The following OPALIN variants were observed in gnomAD, a reference collection of about 807,000 sequenced individuals.
OPALIN encodes transmembrane protein 10.
OPALIN carries 15 observed loss-of-function variants against 17.8 expected under a neutral mutation model. The observed-to-expected ratio is 0.84, with a 90% CI of 0.56 to 1.29. The LOEUF is 1.29. OPALIN is among the 50% of genes most tolerant of loss of function. OPALIN has a pLI of 0.00. For missense variants in OPALIN, 170 were observed against 176.0 expected (o/e 0.97, Z 0.19); for synonymous variants, 62 against 63.8 (o/e 0.97, Z 0.14).
At chr10:96,348,611 TGGG>T (rs1347230276) in intron 4 of OPALIN, among the ~76,000 whole-genome samples, 6 of 152,166 alleles carry the variant, frequency 3.9e-5, no homozygotes, top group African/African-American at 1.4e-4. Context: ...GGTTAATAAT[TGGG>T]TTCATTATAC....
chr10:96,355,496 T>G (rs1379207786), intron 1 of OPALIN, among the ~76,000 whole-genome samples: 3 of 152,016 alleles, frequency 2.0e-5, no homozygotes, highest in African/African-American at 7.2e-5. Context: ...CAGCATCAAG[T>G]CAGTCTTGCC....
Position 96,349,776 on chromosome 10 carries a change from G to A in OPALIN, c.123C>T (p.Ala41=). The A allele has an allele frequency of 6.2e-7, 1 of 1,613,656 alleles. No individual in the cohort carries two copies. The change falls in exon 4 of 6, where the codon GCC becomes GCT. Residue 41 remains alanine, a synonymous_variant. Coordinates refer to ENST00000371172, the MANE Select transcript of OPALIN (RefSeq NM_033207.5). ...GLAAGIPLLV[A]TALLVALLFT... ...ATAGTAAAGCCACCAGCAGGGCTGT[G>A]GCCACCAGCAATGGTATGCCCGCCG...
chr10:96,354,788 A>C (rs1256441330), intron 2 of OPALIN, among the ~76,000 whole-genome samples: 2 of 151,878 alleles, frequency 1.3e-5, no homozygotes, highest in Non-Finnish European at 2.9e-5. Flanking sequence ...ACTATTCCTC[A>C]GTGCGTTTTG....
intron 1 of OPALIN, 81 bp from the exon 2 acceptor site, chr10:96,355,371 G>T: frequency 7.7e-7 from 1 of 1,303,602 alleles, no homozygotes; most frequent in Non-Finnish European, 1.1e-6. Flanking sequence ...CACTGACCCT[G>T]GTGGATTCCG....
chr10:96,356,715 T>C (rs905918505), intron 1 of OPALIN, among the ~76,000 whole-genome samples: 5 of 152,172 alleles, frequency 3.3e-5, no homozygotes, highest in Admixed American at 6.5e-5. Flanking sequence ...AATGTGTAAG[T>C]CCCCCTAGCT....
At chr10:96,351,451 T>G in intron 2 of OPALIN, 41 bp from the exon 3 acceptor site, 1 of 1,334,678 alleles carries the variant, frequency 7.5e-7, no homozygotes, top group Non-Finnish European at 1.0e-6. Flanking sequence ...GAACAAAAAG[T>G]CTATAGAATA....
intron 5 of OPALIN, among the ~76,000 whole-genome samples, chr10:96,347,925 T>A (rs1213926260): frequency 2.6e-5 from 4 of 152,230 alleles, no homozygotes; most frequent in Non-Finnish European, 4.4e-5. Flanking sequence ...TTAGCTGTAA[T>A]TTTTTGAAAA....
At chr10:96,357,226 C>T in intron 1 of OPALIN, 1 of 918,020 alleles carries the variant, frequency 1.1e-6, no homozygotes. Context: ...AGCCCTAAGA[C>T]AAAGCTTCCT....
In OPALIN at chr10:96,355,254, C is replaced by A; in HGVS notation, c.39+1G>T. On this transcript the variant is annotated splice_donor_variant, in intron 2 of 5. Coordinates refer to ENST00000371172, the MANE Select transcript of OPALIN (RefSeq NM_033207.5). LOFTEE classifies it high-confidence loss of function. Reference sequence around the variant, plus strand: ...TGGTGAATGGGGGCTGCTGTACTTACTGTGTTCGCCGGCAGGGTGAAGTTC... The same window carrying A: ...TGGTGAATGGGGGCTGCTGTACTTAATGTGTTCGCCGGCAGGGTGAAGTTC... 1 of 1,612,008 alleles carries A rather than the reference C, an allele frequency of 6.2e-7. No homozygotes were observed. Among genetic ancestry groups the A allele is most frequent in the Non-Finnish European group, 8.5e-7 (1 of 1,178,924 alleles).
chr10:96,358,956 T>C lies in OPALIN; in HGVS notation c.-60A>G. ...TGCCTTTGGTAAGCTCCTTTCTCAC[T>C]GGCTTTATTGGCTTGTGTCTTTCAT... On this transcript the variant is annotated 5_prime_UTR_variant, in exon 1 of 6. Coordinates refer to ENST00000371172, the MANE Select transcript of OPALIN (RefSeq NM_033207.5). 1 of 1,563,608 alleles carries C rather than the reference T, an allele frequency of 6.4e-7. No individual in the cohort carries two copies. The highest frequency in any genetic ancestry group is 8.8e-7 in the Non-Finnish European group (1 of 1,134,096).
chr10:96,354,659 C>A (rs991261701), intron 2 of OPALIN, among the ~76,000 whole-genome samples: 1 of 150,458 alleles, frequency 6.6e-6, no homozygotes, highest in East Asian at 1.9e-4. Flanking sequence ...AAGGGTTACA[C>A]CAGTTTTCTG....
intron 2 of OPALIN, chr10:96,353,485 GCTAAAAACAGA>G: frequency 6.5e-7 from 1 of 1,534,966 alleles, no homozygotes; most frequent in Non-Finnish European, 9.0e-7. Flanking sequence ...GACTTTCAGT[GCTAAAAACAGA>G]CAACACCAGG....
At chr10:96,346,157 G>A (rs370302303) in intron 5 of OPALIN, 40 bp from the exon 6 acceptor site, 2 of 1,583,544 alleles carry the variant, frequency 1.3e-6, no homozygotes, top group Non-Finnish European at 1.7e-6. Flanking sequence ...CTACAGCAGA[G>A]AATTCTTTCA....
chr10:96,353,131 G>A lies in OPALIN; in HGVS notation c.40-1721C>T, dbSNP rs148852841. 3.2e-3 allele frequency among the ~76,000 whole-genome samples: 491 copies of A among 152,078 alleles called. 7 individuals are homozygous for A. Among genetic ancestry groups the A allele is most frequent in the Middle Eastern group, 0.024 (7 of 294 alleles). The stretch of plus-strand genomic sequence containing the variant: ...ACACAGCCCTAGGTGACACCCCCCC[G>A]GGCAGTCTGGCTCTGGGATCCATGC... On this transcript the variant is annotated intron_variant, in intron 2 of 5. Transcript: ENST00000371172.
chr10:96,345,675 C>T lies in OPALIN; in HGVS notation c.*266G>A, dbSNP rs1426428162. 2.0e-5 allele frequency: 7 copies of T among 354,712 alleles called. No homozygotes were observed. The highest frequency in any genetic ancestry group is 3.0e-5 in the Non-Finnish European group (6 of 198,948). The allele number at this position is 354,712 out of a possible 1,614,324, so 22.0% of individuals were successfully genotyped here. A position where few individuals can be genotyped will look rare whatever the true frequency, so the allele number is the denominator to read the frequency against. On this transcript the variant is annotated 3_prime_UTR_variant, in exon 6 of 6. Coordinates refer to ENST00000371172, the MANE Select transcript of OPALIN (RefSeq NM_033207.5). ...CCTTTCCCAAAATGACAAAGAAAAG[C>T]AAATTCCCACTGGGAGCAGGAATAG...
Position 96,345,841 on chromosome 10 carries a change from T to G in OPALIN, c.*100A>C. 2 of 1,175,798 alleles carry G rather than the reference T, an allele frequency of 1.7e-6. No homozygotes were observed. Among genetic ancestry groups the G allele is most frequent in the Non-Finnish European group, 2.4e-6 (2 of 823,692 alleles). 72.8% of individuals were successfully genotyped at this position (1,175,798 alleles called of 1,614,324 possible). On this transcript the variant is annotated 3_prime_UTR_variant, in exon 6 of 6. Coordinates refer to ENST00000371172, the MANE Select transcript of OPALIN (RefSeq NM_033207.5). ...CCAGAGCTGTAAATGAAATTTGGAT[T>G]GATTAAGAAGCAGCTTGGCATCTTT...
At position 96,347,767 on chromosome 10, in the gene OPALIN, C is replaced by T. The variant is rs567204237; in HGVS notation, c.249+522G>A. Among the ~76,000 whole-genome samples, 123 of 152,348 alleles carry T rather than the reference C, an allele frequency of 8.1e-4. 1 individual carries two copies. The South Asian group carries it at 0.019, about 24-fold the overall frequency. On this transcript the variant is annotated intron_variant, in intron 5 of 5. Transcript: ENST00000371172. ...GGATTACAGGCGTGAGCCACTGCAC[C>T]GGACCTATACTTTCTAATTTTTAAA...
Position 96,345,919 on chromosome 10 carries a change from GC to G in OPALIN, c.*21del. ...TCAACCCTGTTCCAGTGCCAGGTCT[GC>G]TGCTCCTTGACTGAGCTGCATCATT... On this transcript the variant is annotated 3_prime_UTR_variant, in exon 6 of 6. Coordinates refer to ENST00000371172, the MANE Select transcript of OPALIN (RefSeq NM_033207.5). 1.8e-6 allele frequency: 2 copies of G among 1,110,076 alleles called. No individual in the cohort carries two copies. The highest frequency in any genetic ancestry group is 2.2e-5 in the South Asian group (1 of 46,108). The allele number at this position is 1,110,076 out of a possible 1,614,324, so 68.8% of individuals were successfully genotyped here.
intron 1 of OPALIN, among the ~76,000 whole-genome samples, chr10:96,357,586 G>T (rs537410185): frequency 1.3e-5 from 2 of 152,202 alleles, no homozygotes; most frequent in Admixed American, 6.5e-5. Context: ...ATTCTCCAAG[G>T]CTCAGTTTTC....
Sources: gnomAD v4.1 joint callset for allele counts (sites outside exome capture counted in the v4.1 genomes callset) on GRCh38, gnomAD v4.1.1 for gene constraint, MANE v1.5 for transcripts, NCBI Gene and HGNC (gene_info 2026-07-23, HGNC 2026-07-21) for gene names.